Variants in MIA2 observed in about 807,000 individuals in gnomAD.
MIA2 encodes the protein MIA SH3 domain ER export factor 2.
A neutral mutation model predicts 167.8 loss-of-function variants in MIA2; 127 were observed. The ratio of observed to expected loss-of-function variants is 0.76; its 90% confidence interval spans 0.66 to 0.88. The LOEUF is 0.88. MIA2 is among the 40% of genes least tolerant of loss of function. The pLI is 0.00. For synonymous variants in MIA2, 552 were observed against 541.9 expected (o/e 1.02, Z -0.26); for missense variants, 1,690 against 1,624.7 (o/e 1.04, Z -0.69).
intron 6 of MIA2, among the ~76,000 whole-genome samples, chr14:39,271,910 C>T (rs1306418089): frequency 6.6e-6 from 1 of 152,044 alleles, no homozygotes; most frequent in Non-Finnish European, 1.5e-5. Flanking sequence ...GGGGTGGTTC[C>T]CCTACCAGAA....
At chr14:39,380,686 A>G (rs1156978548) in intron 23 of MIA2, among the ~76,000 whole-genome samples, 4 of 102,086 alleles carry the variant, frequency 3.9e-5, no homozygotes, top group Non-Finnish European at 7.9e-5. Flanking sequence ...AGCGAGACTC[A>G]GACTCAAAAA....
At chr14:39,352,616 C>G (rs2074419361), downstream of MIA2, among the ~76,000 whole-genome samples, 1 of 152,000 alleles carries the variant, frequency 6.6e-6, no homozygotes, top group South Asian at 2.1e-4. Flanking sequence ...ATGCTCAAGT[C>G]TCTTATATAA....
At position 39,350,198 on chromosome 14, in the gene MIA2, C is replaced by T. The variant is rs752490679; in HGVS notation, c.4173C>T (p.Pro1391=). The change falls in exon 29 of 29, where the codon CCC becomes CCT. Residue 1391 remains proline (P), a synonymous_variant. Transcript: ENST00000640607. ...ATTCTGAAGGTAGAAGTGAGTTCCC[C>T]TCAGGTTTGATTCCACCTTCAAATG... ...PPHSEGRSEF[P]SGLIPPSNEP... 85 of 1,511,832 alleles carry T rather than the reference C, an allele frequency of 5.6e-5. No individual in the cohort carries two copies. Among genetic ancestry groups the T allele is most frequent in the Admixed American group, 1.8e-4 (9 of 49,096 alleles). The allele number at this position is 1,511,832 out of a possible 1,614,324, so 93.7% of individuals were successfully genotyped here. A position where few individuals can be genotyped will look rare whatever the true frequency, so the allele number is the denominator to read the frequency against.
chr14:39,349,636 G>A (rs954297101), intron 28 of MIA2, among the ~76,000 whole-genome samples: 63 of 152,212 alleles, frequency 4.1e-4, no homozygotes, highest in African/African-American at 1.5e-3. Flanking sequence ...AGTTAAAGGT[G>A]AATTAAAATG....
At chr14:39,311,797 T>C (rs1189479672) in intron 18 of MIA2, among the ~76,000 whole-genome samples, 1 of 146,234 alleles carries the variant, frequency 6.8e-6, no homozygotes, top group African/African-American at 2.5e-5. Flanking sequence ...GCCCTTGATG[T>C]GTTACTTTAA....
intron 25 of MIA2, among the ~76,000 whole-genome samples, chr14:39,337,778 T>C (rs1162746095): frequency 6.6e-6 from 1 of 151,946 alleles, no homozygotes; most frequent in Non-Finnish European, 1.5e-5. Context: ...AGTGCTGTGG[T>C]GTAATCTCGG....
rs552843649 is a variant in MIA2 at position 39,291,373 on chromosome 14, T to C, written c.2208+277T>C. Among the ~76,000 whole-genome samples, 3 of 152,362 alleles carry C rather than the reference T, an allele frequency of 2.0e-5. No individual in the cohort carries two copies. In the South Asian group the frequency reaches 6.2e-4, roughly 32 times the overall value. ...CAGGAGCTGTATAGAAACTTCGTTC[T>C]ATTATTCCTGGGAAATGTATTAAGG... On this transcript the variant is annotated intron_variant, in intron 10 of 28. Coordinates refer to ENST00000640607, the MANE Select transcript of MIA2 (RefSeq NM_001329214.4).
At chr14:39,364,997 A>G (rs926813997) in intron 23 of MIA2, among the ~76,000 whole-genome samples, 15 of 151,784 alleles carry the variant, frequency 9.9e-5, no homozygotes, top group Middle Eastern at 3.4e-3. Context: ...GTCTCTTGTT[A>G]TATGTGAGAA....
At position 39,311,466 on chromosome 14, in the gene MIA2, C is replaced by CTTTTTTTTTTTTTTTTTTTTT. The variant is rs35478238; in HGVS notation, c.3018-1868_3018-1848dup. Among the ~76,000 whole-genome samples the CTTTTTTTTTTTTTTTTTTTTT allele has an allele frequency of 9.2e-5, 4 of 43,322 alleles. 2 individuals carry two copies. Among genetic ancestry groups the CTTTTTTTTTTTTTTTTTTTTT allele is most frequent in the Non-Finnish European group, 1.6e-4 (4 of 24,894 alleles). The allele number at this position is 43,322 out of a possible 152,430, so 28.4% of individuals were successfully genotyped here. On this transcript the variant is annotated intron_variant, in intron 18 of 28. Transcript: ENST00000640607. ...TAGGACCTAGAAGCTTGATGTGTTG[C>CTTTTTTTTTTTTTTTTTTTTT]TTTTTTTTTTTTTTTTTTTTTTTTT...
chr14:39,256,381 G>T (rs1439597053), intron 6 of MIA2, among the ~76,000 whole-genome samples: 1 of 151,996 alleles, frequency 6.6e-6, no homozygotes, highest in Non-Finnish European at 1.5e-5. Flanking sequence ...TAGGTGAAAG[G>T]TTTCCTTTTC....
At chr14:39,333,957 A>G (rs886643979) in intron 25 of MIA2, among the ~76,000 whole-genome samples, 1 of 152,210 alleles carries the variant, frequency 6.6e-6, no homozygotes, top group Non-Finnish European at 1.5e-5. Context: ...TGTGTCAACT[A>G]TAATCTCAAT....
At chr14:39,268,705 G>A (rs1029750448) in intron 6 of MIA2, among the ~76,000 whole-genome samples, 22 of 152,168 alleles carry the variant, frequency 1.4e-4, no homozygotes, top group African/African-American at 4.1e-4. Flanking sequence ...TAGATTAGAT[G>A]TTAGGGAAAC....
chr14:39,341,596 T>G (rs529083348), intron 25 of MIA2, among the ~76,000 whole-genome samples: 5 of 152,254 alleles, frequency 3.3e-5, no homozygotes, highest in Admixed American at 6.5e-5. Context: ...TCCAGTTGTT[T>G]CAATTTTCTT....
intron 9 of MIA2, among the ~76,000 whole-genome samples, chr14:39,282,812 A>T (rs1457851829): frequency 6.6e-6 from 1 of 152,120 alleles, no homozygotes; most frequent in Admixed American, 6.5e-5. Context: ...GGCTCAGGTG[A>T]TCCTCTCGCC....
At chr14:39,330,871 T>A (rs549355270) in intron 25 of MIA2, among the ~76,000 whole-genome samples, 1 of 152,310 alleles carries the variant, frequency 6.6e-6, no homozygotes, top group East Asian at 1.9e-4. Context: ...AGGAGTGATT[T>A]ACTTCCAATT....
chr14:39,238,841 A>G (rs1432823657), intron 2 of MIA2, among the ~76,000 whole-genome samples: 1 of 150,260 alleles, frequency 6.7e-6, no homozygotes, highest in Non-Finnish European at 1.5e-5. Context: ...TAGCTGATAG[A>G]GCTTTTTATT....
At chr14:39,360,160 G>A (rs1055623845) in intron 23 of MIA2, among the ~76,000 whole-genome samples, 3 of 152,116 alleles carry the variant, frequency 2.0e-5, no homozygotes, top group African/African-American at 7.2e-5. Flanking sequence ...AAATTATCTG[G>A]GCATGGTGGC....
chr14:39,303,638 T>C (rs373362425), intron 16 of MIA2, 114 bp downstream of exon 16: 420 of 646,900 alleles, frequency 6.5e-4, no homozygotes, highest in Admixed American at 1.7e-3. Flanking sequence ...TAAATATATT[T>C]ACAAATTATC....
At chr14:39,290,825 T>A (rs2060639812) in intron 9 of MIA2, among the ~76,000 whole-genome samples, 194 bp from the exon 10 acceptor site, 1 of 152,216 alleles carries the variant, frequency 6.6e-6, no homozygotes, top group African/African-American at 2.4e-5. Flanking sequence ...CCAGAGCTAG[T>A]GGTTTGTGAT....
Sources: gnomAD v4.1 joint callset for allele counts (sites outside exome capture counted in the v4.1 genomes callset) on GRCh38, gnomAD v4.1.1 for gene constraint, MANE v1.5 for transcripts, NCBI Gene and HGNC (gene_info 2026-07-23, HGNC 2026-07-21) for gene names.